The following CD5 variants were observed in gnomAD, a reference collection of about 807,000 sequenced individuals.
CD5 encodes CD5 molecule.
Under a neutral mutation model 60.3 loss-of-function variants are expected in CD5, and 36 were observed. The ratio of observed to expected loss-of-function variants is 0.60; its 90% confidence interval spans 0.46 to 0.79. The LOEUF is 0.79. Ranked by LOEUF, CD5 falls within the 30% of genes least tolerant of loss-of-function variation. CD5 has a pLI of 0.00. For synonymous variants in CD5, 230 were observed against 257.6 expected, an observed-to-expected ratio of 0.89 and a Z score of 1.03; for missense variants, 540 against 630.6, an observed-to-expected ratio of 0.86 and a Z score of 1.54.
chr11:61,125,917 G>A, intron 10 of CD5, 76 bp downstream of exon 10: 1 of 908,940 alleles, frequency 1.1e-6, no homozygotes, highest in Non-Finnish European at 1.6e-6. Context: ...GCCACTCAAT[G>A]CCTCCCCTCA....
chr11:61,100,442 CACA>C (rs1270594515), upstream of CD5, among the ~76,000 whole-genome samples: 6 of 148,658 alleles, frequency 4.0e-5, no homozygotes, highest in Admixed American at 2.7e-4. Context: ...ATCACACACA[CACA>C]ACATGGAGAT....
At position 61,126,746 on chromosome 11, in the gene CD5, C is replaced by G. The variant is rs1015586591; in HGVS notation, c.*461C>G. On this transcript the variant is annotated 3_prime_UTR_variant, in exon 11 of 11. Transcript: ENST00000347785. ...GAGCGCTTTGGCCTCTTCTGTGCAG[C>G]ATCCACCCCTGCGGATCCCTCTGGG... is the stretch of plus-strand genomic sequence containing the variant. The G allele has an allele frequency of 1.3e-5, 2 of 152,290 alleles. No individual in the cohort carries two copies. Among genetic ancestry groups the G allele is most frequent in the African/African-American group, 4.8e-5 (2 of 41,462 alleles). 9.4% of individuals were successfully genotyped at this position (152,290 alleles called of 1,614,324 possible). A position where few individuals can be genotyped will look rare whatever the true frequency, so the allele number is the denominator to read the frequency against.
At chr11:61,099,486 ACAT>A (rs1332427969), upstream of CD5, among the ~76,000 whole-genome samples, 1 of 151,720 alleles carries the variant, frequency 6.6e-6, no homozygotes. Context: ...GATCACACAC[ACAT>A]CAACATGGAG....
chr11:61,105,203 C>G (rs1860760094), intron 1 of CD5, among the ~76,000 whole-genome samples: 1 of 152,242 alleles, frequency 6.6e-6, no homozygotes, highest in African/African-American at 2.4e-5. Flanking sequence ...TTGCTCCCCT[C>G]TCAGCCCCAG....
At chr11:61,098,303 T>C (rs533329317), upstream of CD5, among the ~76,000 whole-genome samples, 11 of 152,204 alleles carry the variant, frequency 7.2e-5, no homozygotes, top group Non-Finnish European at 1.3e-4. Context: ...ACTATGTGAA[T>C]CACTATTGAT....
At position 61,119,543 on chromosome 11, in the gene CD5, A is replaced by C; in HGVS notation, c.773A>C (p.Lys258Thr). ...EHCFRKIKPQ[K>T]SGRVLALLCS... The stretch of plus-strand genomic sequence containing the variant: ...TGCTTCAGGAAAATCAAGCCCCAGA[A>C]AAGTGGCCGAGTTCTTGCCCTCCTT... The change falls in exon 5 of 11, where the codon AAA becomes ACA. Residue 258 changes from lysine to threonine, a missense_variant. Coordinates refer to ENST00000347785, the MANE Select transcript of CD5 (RefSeq NM_014207.4). 1 of 1,613,022 alleles carries C rather than the reference A, an allele frequency of 6.2e-7. No homozygotes were observed.
upstream of CD5, among the ~76,000 whole-genome samples, chr11:61,098,452 G>A (rs779121919): frequency 1.3e-5 from 2 of 152,184 alleles, no homozygotes; most frequent in African/African-American, 2.4e-5. Flanking sequence ...AAAGAAAGAA[G>A]AAGTAAAAAC....
At chr11:61,093,999 C>T in the CD5 span, among the ~76,000 whole-genome samples, 1 of 152,106 alleles carries the variant, frequency 6.6e-6, no homozygotes, top group Non-Finnish European at 1.5e-5. Context: ...TAAACCCCTT[C>T]CTTCTTTAAC....
upstream of CD5, among the ~76,000 whole-genome samples, chr11:61,099,146 G>A (rs1860622089): frequency 6.6e-6 from 1 of 152,228 alleles, no homozygotes. Flanking sequence ...GATGATTCCA[G>A]ACCCTCTAAG....
chr11:61,110,518 C>T (rs773151413), intron 1 of CD5, among the ~76,000 whole-genome samples: 9 of 152,222 alleles, frequency 5.9e-5, no homozygotes, highest in Non-Finnish European at 1.2e-4. Flanking sequence ...ACTGACTGAA[C>T]GGAATCACAA....
At chr11:61,099,692 T>G (rs1860633264), upstream of CD5, among the ~76,000 whole-genome samples, 1 of 128,460 alleles carries the variant, frequency 7.8e-6, no homozygotes, top group African/African-American at 3.2e-5. Flanking sequence ...AATTCACACA[T>G]CAACATGGAG....
At chr11:61,094,916 C>T in the CD5 span, among the ~76,000 whole-genome samples, 1 of 152,248 alleles carries the variant, frequency 6.6e-6, no homozygotes, top group African/African-American at 2.4e-5. Context: ...ACAGGGTAAC[C>T]TGTAAGCCAG....
At chr11:61,102,289 G>A (rs1459950227), upstream of CD5, 8 of 522,408 alleles carry the variant, frequency 1.5e-5, no homozygotes, top group Non-Finnish European at 2.8e-5. Context: ...GGGGGTGGCC[G>A]AGAGCACTGC....
chr11:61,103,663 CTCTGTGTGTGAG>C (rs565887769), intron 1 of CD5, among the ~76,000 whole-genome samples: 1,622 of 133,678 alleles, frequency 0.012, 46 homozygotes, highest in African/African-American at 0.05. Context: ...TAATGTGTGA[CTCTGTGTGTGAG>C]TCTGTGTGTG....
At chr11:61,120,760 C>A (rs1015920761) in intron 5 of CD5, among the ~76,000 whole-genome samples, 2 of 152,224 alleles carry the variant, frequency 1.3e-5, no homozygotes, top group East Asian at 1.9e-4. Flanking sequence ...CCTCCCCCAG[C>A]AGAAGCAGCT....
upstream of CD5, among the ~76,000 whole-genome samples, chr11:61,098,979 GTA>G (rs1860619925): frequency 6.6e-6 from 1 of 152,166 alleles, no homozygotes. Context: ...GTGGCCCAGA[GTA>G]CAGGAAGCCC....
intron 1 of CD5, among the ~76,000 whole-genome samples, chr11:61,112,718 A>C (rs1455605175): frequency 2.6e-5 from 4 of 152,098 alleles, no homozygotes; most frequent in African/African-American, 9.7e-5. Flanking sequence ...AGCTCTGTAC[A>C]CTTCCCTGTT....
chr11:61,121,006 TAC>T (rs1327377078), intron 5 of CD5, among the ~76,000 whole-genome samples: 1 of 152,248 alleles, frequency 6.6e-6, no homozygotes, highest in Non-Finnish European at 1.5e-5. Context: ...GGGCCTCAGC[TAC>T]AGACTCCCAG....
chr11:61,127,341 TAAG>T lies in CD5; in HGVS notation c.*1060_*1062del, dbSNP rs1389709312. ...GGCGCAGCTCACTGCGGCGGCTCCC[TAAG>T]AAGGTGAAGCAACATGGGAACACAT... is the stretch of plus-strand genomic sequence containing the variant. On this transcript the variant is annotated 3_prime_UTR_variant, in exon 11 of 11. Coordinates refer to ENST00000347785, the MANE Select transcript of CD5 (RefSeq NM_014207.4). The T allele has an allele frequency of 1.5e-5, 2 of 135,690 alleles. No homozygotes were observed. The highest frequency in any genetic ancestry group is 2.7e-5 in the African/African-American group (1 of 36,606). 8.4% of individuals were successfully genotyped at this position (135,690 alleles called of 1,614,324 possible). A position where few individuals can be genotyped will look rare whatever the true frequency, so the allele number is the denominator to read the frequency against.
Sources: allele counts gnomAD v4.1 joint callset (sites outside exome capture counted in the v4.1 genomes callset), GRCh38; gene constraint gnomAD v4.1.1; transcripts MANE v1.5; gene names NCBI Gene and HGNC (gene_info 2026-07-23, HGNC 2026-07-21).